Variants in SLC6A19 observed in about 807,000 individuals in gnomAD.
SLC6A19 encodes solute carrier family 6 member 19, also known as sodium-dependent neutral amino acid transporter B(0)AT1.
A neutral mutation model predicts 68.3 loss-of-function variants in SLC6A19; 67 were observed. That is an observed-to-expected ratio of 0.98 (90% CI 0.81 to 1.20). The LOEUF (loss-of-function observed/expected upper bound fraction) is 1.20. Among genes scored for constraint, SLC6A19 ranks in the 50% most tolerant of loss-of-function variants. The pLI, the probability that SLC6A19 is intolerant of heterozygous loss-of-function variation, is 0.00. For synonymous variants in SLC6A19, 392 were observed against 374.9 expected, an observed-to-expected ratio of 1.05 and a Z score of -0.53; for missense variants, 813 against 851.6, an observed-to-expected ratio of 0.95 and a Z score of 0.56.
intron 1 of SLC6A19, among the ~76,000 whole-genome samples, chr5:1,202,058 C>T (rs533400039): frequency 1.6e-4 from 24 of 152,304 alleles, no homozygotes; most frequent in African/African-American, 4.6e-4. Flanking sequence ...TGGGCCTGGC[C>T]GGCACGACCC....
In SLC6A19 at chr5:1,221,986, C is replaced by T; in HGVS notation, c.*82C>T. The T allele has an allele frequency of 4.7e-6, 7 of 1,473,892 alleles. No individual in the cohort carries two copies. The highest frequency in any genetic ancestry group is 5.6e-6 in the Non-Finnish European group (6 of 1,072,014). The allele number at this position is 1,473,892 out of a possible 1,614,324, so 91.3% of individuals were successfully genotyped here. Reference sequence around the variant, plus strand: ...GACCTGTGGGGTGGGGGCCGGGCTGCACCTGCATGTGTGTAAGCGTGAGTG... The same window carrying T: ...GACCTGTGGGGTGGGGGCCGGGCTGTACCTGCATGTGTGTAAGCGTGAGTG... On this transcript the variant is annotated 3_prime_UTR_variant, in exon 12 of 12. Coordinates refer to ENST00000304460, the MANE Select transcript of SLC6A19 (RefSeq NM_001003841.3).
At position 1,209,068 on chromosome 5, in the gene SLC6A19, T is replaced by G. The variant is rs1274237054; in HGVS notation, c.343+182T>G. The stretch of plus-strand genomic sequence containing the variant: ...GAGGCCTTTGGAAACTCCAGGCCAC[T>G]CCTGTTCACCAGGAACCAGACAGGC... On this transcript the variant is annotated intron_variant, in intron 2 of 11. Transcript: ENST00000304460. This position sits in a 1 kb window ranked among gnomAD's most constrained non-coding sequence, Gnocchi z 5.5. Among the ~76,000 whole-genome samples the G allele has an allele frequency of 6.6e-6, 1 of 152,142 alleles. No homozygotes were observed. Among genetic ancestry groups the G allele is most frequent in the African/African-American group, 2.4e-5 (1 of 41,420 alleles).
At chr5:1,216,478 CG>C in intron 6 of SLC6A19, 79 bp from the exon 7 acceptor site, 1 of 1,601,184 alleles carries the variant, frequency 6.2e-7, no homozygotes, top group Non-Finnish European at 8.5e-7. Flanking sequence ...GCGCTCTGGG[CG>C]GGATGCGGAT....
intron 3 of SLC6A19, among the ~76,000 whole-genome samples, chr5:1,211,422 A>G (rs987122373): frequency 2.0e-5 from 3 of 152,244 alleles, no homozygotes; most frequent in Admixed American, 1.3e-4. Flanking sequence ...CCAGCCCGGG[A>G]GCGCAAACAC....
intron 10 of SLC6A19, 54 bp from the exon 11 acceptor site, chr5:1,221,097 G>A (rs528723719): frequency 1.9e-6 from 3 of 1,595,122 alleles, no homozygotes; most frequent in African/African-American, 2.7e-5. Flanking sequence ...AGAAAGCTTA[G>A]CGAGTTGAAG....
intron 8 of SLC6A19, 67 bp from the exon 9 acceptor site, chr5:1,218,836 C>T (rs1258254325): frequency 6.4e-7 from 1 of 1,568,428 alleles, no homozygotes; most frequent in Non-Finnish European, 8.7e-7. Context: ...CGCACGAGAC[C>T]TCGGGCGGGG....
intron 3 of SLC6A19, among the ~76,000 whole-genome samples, chr5:1,211,454 C>T (rs1422682228): frequency 6.6e-6 from 1 of 152,226 alleles, no homozygotes; most frequent in Non-Finnish European, 1.5e-5. Flanking sequence ...CAGACTTGCA[C>T]AGGGAAGAGG....
intron 8 of SLC6A19, among the ~76,000 whole-genome samples, chr5:1,217,933 G>A (rs1417234348): frequency 2.0e-5 from 3 of 152,150 alleles, no homozygotes; most frequent in Non-Finnish European, 2.9e-5. Flanking sequence ...CCCCCGTGGT[G>A]TGCAATCTCA....
At chr5:1,216,730 C>CA (rs1414099740) in intron 7 of SLC6A19, 44 bp downstream of exon 7, 1 of 1,613,734 alleles carries the variant, frequency 6.2e-7, no homozygotes, top group Non-Finnish European at 8.5e-7. Flanking sequence ...GCTGCGCCTC[C>CA]AGGAAGCCTC....
intron 1 of SLC6A19, among the ~76,000 whole-genome samples, chr5:1,206,756 C>T (rs1158786344): frequency 1.3e-5 from 2 of 152,086 alleles, no homozygotes; most frequent in African/African-American, 2.4e-5. Context: ...GAGGGGCTGT[C>T]GCTGGGACCC....
Position 1,209,928 on chromosome 5 carries a change from C to T in SLC6A19, c.344-516C>T, listed in dbSNP as rs1745975429. Among the ~76,000 whole-genome samples the T allele has an allele frequency of 6.6e-6, 1 of 152,242 alleles. No individual in the cohort carries two copies. The highest frequency in any genetic ancestry group is 6.5e-5 in the Admixed American group (1 of 15,292). On this transcript the variant is annotated intron_variant, in intron 2 of 11. Coordinates refer to ENST00000304460, the MANE Select transcript of SLC6A19 (RefSeq NM_001003841.3). This position sits in a 1 kb window ranked among gnomAD's most constrained non-coding sequence, Gnocchi z 5.5. ...CTGTCCCCAAATAATTGAGAACATT[C>T]CCCTCTGCAGTTTCTGTTGTCTCCC... is the stretch of plus-strand genomic sequence containing the variant.
At chr5:1,219,731 G>A in intron 10 of SLC6A19, 67 bp downstream of exon 10, 1 of 1,589,518 alleles carries the variant, frequency 6.3e-7, no homozygotes, top group Non-Finnish European at 8.5e-7. Flanking sequence ...GTTCCTGTGA[G>A]GGAGGACCCG....
At chr5:1,210,683 A>G (rs1336195781) in intron 3 of SLC6A19, 102 bp downstream of exon 3, 5 of 1,538,348 alleles carry the variant, frequency 3.3e-6, no homozygotes, top group Admixed American at 1.8e-5. Context: ...CGTGGCAGAA[A>G]CCAGAGCCCC....
chr5:1,220,379 C>T (rs1746341453), intron 10 of SLC6A19, among the ~76,000 whole-genome samples: 1 of 140,224 alleles, frequency 7.1e-6, no homozygotes, highest in African/African-American at 2.7e-5. Flanking sequence ...CACTGCAATC[C>T]AGCCTGGGTG....
chr5:1,213,129 T>A (rs1400725167), intron 4 of SLC6A19, among the ~76,000 whole-genome samples: 1 of 80,074 alleles, frequency 1.2e-5, no homozygotes, highest in Non-Finnish European at 2.4e-5. Context: ...CTTCCCCAGA[T>A]GCCCCAACCC....
At position 1,215,876 on chromosome 5, in the gene SLC6A19, T is replaced by A. The variant is rs578149297; in HGVS notation, c.888-682T>A. 5.9e-5 allele frequency among the ~76,000 whole-genome samples: 9 copies of A among 152,340 alleles called. No homozygotes were observed. In the South Asian group the frequency reaches 1.7e-3, roughly 28 times the overall value. On this transcript the variant is annotated intron_variant, in intron 6 of 11. Coordinates refer to ENST00000304460, the MANE Select transcript of SLC6A19 (RefSeq NM_001003841.3). This position sits in a 1 kb window ranked among gnomAD's most constrained non-coding sequence, Gnocchi z 5.1. ...CGTGCAGGAAGCTCCAGTTTCCCCG[T>A]ATCCTCACCAACACTTGTTATTGTC...
chr5:1,210,762 G>C (rs755275479), intron 3 of SLC6A19, among the ~76,000 whole-genome samples, 181 bp downstream of exon 3: 16 of 152,218 alleles, frequency 1.1e-4, no homozygotes, highest in Non-Finnish European at 2.2e-4. Context: ...TCTTGTGTGG[G>C]GGGCGTGGTG....
rs1356475740 is a variant in SLC6A19, at chr5:1,223,022, AC to A, written c.*1120del. 6.7e-6 allele frequency: 1 copy of A among 149,852 alleles called. No individual in the cohort carries two copies. Among genetic ancestry groups the A allele is most frequent in the Admixed American group, 6.6e-5 (1 of 15,156 alleles). The allele number at this position is 149,852 out of a possible 1,614,324, so 9.3% of individuals were successfully genotyped here. On this transcript the variant is annotated 3_prime_UTR_variant, in exon 12 of 12. Transcript: ENST00000304460. ...CCCTTCCCCTTGGTGTTGACCTTTG[AC>A]CTGGGGGTTCCCAGAGCCCTGTAGC...
Position 1,208,857 on chromosome 5 carries a change from G to T in SLC6A19, c.314G>T (p.Ser105Ile). Residue 105 changes from serine (S) to isoleucine (I), a missense_variant, in exon 2 of 12, where the codon AGC (serine) becomes ATC (isoleucine). Transcript: ENST00000304460. ...RLRRGSLGVW[S>I]SIHPALKGLG... ...CGGCGGGGCAGCCTGGGTGTGTGGA[G>T]CTCCATCCACCCGGCCCTGAAGGGC... 1.2e-6 allele frequency: 2 copies of T among 1,612,676 alleles called. No individual in the cohort carries two copies. Among genetic ancestry groups the T allele is most frequent in the African/African-American group, 1.3e-5 (1 of 75,058 alleles).
Sources: gnomAD v4.1 joint callset for allele counts (sites outside exome capture counted in the v4.1 genomes callset) on GRCh38, gnomAD v4.1.1 for gene constraint, Gnocchi (gnomAD v3.1) non-coding constraint, MANE v1.5 for transcripts, NCBI Gene and HGNC (gene_info 2026-07-23, HGNC 2026-07-21) for gene names.